Variants in STIM2 observed in about 807,000 individuals in gnomAD.
The protein encoded by STIM2 is stromal interaction molecule 2.
STIM2 carries 31 observed loss-of-function variants against 85.8 expected under a neutral mutation model. That is an observed-to-expected ratio of 0.36 (90% CI 0.27 to 0.49). STIM2 has a LOEUF of 0.49. Ranked by LOEUF, STIM2 falls within the 20% of genes least tolerant of loss-of-function variation. The pLI is 0.98. For missense variants in STIM2, 841 were observed against 927.6 expected, an observed-to-expected ratio of 0.91 and a Z score of 1.21; for synonymous variants, 356 against 331.1, an observed-to-expected ratio of 1.08 and a Z score of -0.82.
At chr4:26,982,052 A>AT (rs1282531589) in intron 3 of STIM2, among the ~76,000 whole-genome samples, 1 of 151,932 alleles carries the variant, frequency 6.6e-6, no homozygotes, top group East Asian at 1.9e-4. Context: ...GCATCTATAA[A>AT]TTTTTTTTGC....
chr4:26,906,494 T>C (rs1235637746), intron 1 of STIM2, among the ~76,000 whole-genome samples: 4 of 149,992 alleles, frequency 2.7e-5, no homozygotes, highest in Admixed American at 1.3e-4. Flanking sequence ...ATAGGTGATA[T>C]AATGATTGGA....
intron 7 of STIM2, among the ~76,000 whole-genome samples, chr4:27,005,470 A>T (rs1728300080): frequency 6.6e-6 from 1 of 152,196 alleles, no homozygotes; most frequent in African/African-American, 2.4e-5. Context: ...TGTTTTTGTG[A>T]CATCATGTTT....
intron 2 of STIM2, among the ~76,000 whole-genome samples, chr4:26,932,116 A>C (rs2109075087): frequency 1.3e-5 from 2 of 152,326 alleles, no homozygotes; most frequent in South Asian, 4.1e-4. Context: ...TTATATGCAG[A>C]TGAGGAAACA....
At chr4:26,956,489 G>A (rs1041290754) in intron 2 of STIM2, among the ~76,000 whole-genome samples, 1 of 149,740 alleles carries the variant, frequency 6.7e-6, no homozygotes, top group Middle Eastern at 3.2e-3. Flanking sequence ...TGTTGCCCAG[G>A]TTGGAGTGCA....
At chr4:26,880,066 T>G (rs142731202) in intron 1 of STIM2, among the ~76,000 whole-genome samples, 1 of 152,364 alleles carries the variant, frequency 6.6e-6, no homozygotes, top group African/African-American at 2.4e-5. Flanking sequence ...TAGAGGCTTA[T>G]GTAATTATGA....
chr4:26,862,323 T>G (rs924170225), intron 1 of STIM2, among the ~76,000 whole-genome samples: 2 of 151,248 alleles, frequency 1.3e-5, no homozygotes, highest in African/African-American at 2.4e-5. Context: ...TAATGGTTTT[T>G]TTTTTTTTTT....
chr4:26,979,218 A>G (rs1218549201), intron 3 of STIM2, among the ~76,000 whole-genome samples: 1 of 152,194 alleles, frequency 6.6e-6, no homozygotes, highest in African/African-American at 2.4e-5. Flanking sequence ...ACATGTCTGT[A>G]TTGTTAAAGA....
At chr4:26,965,281 G>T (rs1462632667) in intron 3 of STIM2, among the ~76,000 whole-genome samples, 1 of 152,110 alleles carries the variant, frequency 6.6e-6, no homozygotes, top group South Asian at 2.1e-4. Flanking sequence ...AAGAGAATAG[G>T]TGACACCAGT....
chr4:26,892,609 T>G (rs1723536801), intron 1 of STIM2, among the ~76,000 whole-genome samples: 1 of 152,190 alleles, frequency 6.6e-6, no homozygotes, highest in South Asian at 2.1e-4. Context: ...ATGCATATGT[T>G]TTACCAATAA....
At chr4:26,961,974 C>T (rs1162214053) in intron 3 of STIM2, among the ~76,000 whole-genome samples, 2 of 152,084 alleles carry the variant, frequency 1.3e-5, no homozygotes, top group Admixed American at 1.3e-4. Flanking sequence ...TTGTCTCCAG[C>T]TCCTGGCCTC....
intron 3 of STIM2, among the ~76,000 whole-genome samples, chr4:26,984,740 T>A (rs1460785649): frequency 6.6e-6 from 1 of 152,180 alleles, no homozygotes; most frequent in African/African-American, 2.4e-5. Context: ...ATAGTACACT[T>A]AGTTTCATTG....
intron 1 of STIM2, among the ~76,000 whole-genome samples, chr4:26,888,995 C>A (rs1723362655): frequency 6.6e-6 from 1 of 152,086 alleles, no homozygotes; most frequent in African/African-American, 2.4e-5. Context: ...AATGTCGGTT[C>A]AGTGGAATCA....
At chr4:27,021,521 C>T (rs1299082596) in intron 11 of STIM2, 1 of 456,762 alleles carries the variant, frequency 2.2e-6, no homozygotes, top group Admixed American at 2.3e-5. Context: ...CAGTTGGAGA[C>T]AGCCAGGGAC....
At chr4:26,968,560 G>A (rs1248342665) in intron 3 of STIM2, among the ~76,000 whole-genome samples, 1 of 152,106 alleles carries the variant, frequency 6.6e-6, no homozygotes, top group Admixed American at 6.6e-5. Flanking sequence ...CAGAATTTCA[G>A]TTTTGTGTAA....
At chr4:26,909,286 A>G (rs562628699) in intron 1 of STIM2, among the ~76,000 whole-genome samples, 2 of 152,304 alleles carry the variant, frequency 1.3e-5, no homozygotes, top group South Asian at 2.1e-4. Flanking sequence ...TAGGTGTTTT[A>G]TACATTGATA....
intron 1 of STIM2, among the ~76,000 whole-genome samples, chr4:26,891,558 T>C (rs867876120): frequency 9.7e-5 from 14 of 144,640 alleles, no homozygotes; most frequent in East Asian, 6.0e-4. Flanking sequence ...TATACATACA[T>C]ACACACACAC....
intron 1 of STIM2, among the ~76,000 whole-genome samples, chr4:26,867,955 C>A (rs1394918938): frequency 1.3e-5 from 2 of 152,170 alleles, no homozygotes; most frequent in Admixed American, 1.3e-4. Context: ...GGGTAGGGAA[C>A]CCCAGGCCAA....
At position 26,884,593 on chromosome 4, in the gene STIM2, G is replaced by C. The variant is rs185412942; in HGVS notation, c.151+23224G>C. Among the ~76,000 whole-genome samples, 20 of 152,334 alleles carry C rather than the reference G, an allele frequency of 1.3e-4. 1 individual carries two copies. In the East Asian group the frequency reaches 3.9e-3, roughly 29 times the overall value. ...TAACAGGAAATTGTGTCGTTGTATAGGCAGGGTAATGTACAAGCTATTTTA... is the reference window on the plus strand; with the variant it reads ...TAACAGGAAATTGTGTCGTTGTATACGCAGGGTAATGTACAAGCTATTTTA... On this transcript the variant is annotated intron_variant, in intron 1 of 11. Coordinates refer to ENST00000467087, the MANE Select transcript of STIM2 (RefSeq NM_020860.4).
chr4:26,922,119 A>G (rs1298347198), intron 2 of STIM2, among the ~76,000 whole-genome samples: 5 of 152,204 alleles, frequency 3.3e-5, no homozygotes, highest in African/African-American at 4.8e-5. Context: ...TTGGAAAACA[A>G]CGTAAACTAG....
Sources: gnomAD v4.1 joint callset for allele counts (sites outside exome capture counted in the v4.1 genomes callset) on GRCh38, gnomAD v4.1.1 for gene constraint, MANE v1.5 for transcripts, NCBI Gene and HGNC (gene_info 2026-07-23, HGNC 2026-07-21) for gene names.